The following CSTF3 variants were observed in gnomAD, a reference collection of about 807,000 sequenced individuals.
CSTF3 encodes the protein cleavage stimulation factor subunit 3.
In CSTF3, 29 loss-of-function variants were observed where a neutral mutation model predicts 105.8. The observed-to-expected ratio is 0.27, with a 90% CI of 0.20 to 0.37. CSTF3 has a LOEUF of 0.37. CSTF3 is among the 10% of genes least tolerant of loss of function. The pLI is 1.00. For missense variants in CSTF3, 357 were observed against 879.3 expected (o/e 0.41, Z 7.51); for synonymous variants, 252 against 281.9 (o/e 0.89, Z 1.06).
intron 3 of CSTF3, among the ~76,000 whole-genome samples, chr11:33,132,065 G>GA (rs1855605438): frequency 6.6e-6 from 1 of 151,980 alleles, no homozygotes. Context: ...TAGTTGGAAA[G>GA]AAAAAACGTT....
At chr11:33,131,598 G>A (rs1302258721) in intron 3 of CSTF3, among the ~76,000 whole-genome samples, 11 of 152,218 alleles carry the variant, frequency 7.2e-5, no homozygotes, top group South Asian at 2.1e-4. Flanking sequence ...TGTAATCCCC[G>A]CACTTTGGGA....
At chr11:33,095,343 A>G (rs754312310) in intron 15 of CSTF3, among the ~76,000 whole-genome samples, 122 of 152,228 alleles carry the variant, frequency 8.0e-4, no homozygotes, top group Non-Finnish European at 9.3e-4. Context: ...CTACAGGCAT[A>G]CGCCACCACA....
chr11:33,091,251 A>G (rs1855165854), intron 16 of CSTF3, among the ~76,000 whole-genome samples: 1 of 152,254 alleles, frequency 6.6e-6, no homozygotes, highest in African/African-American at 2.4e-5. Context: ...TTTCCCATTA[A>G]CGTGGATCAC....
chr11:33,108,187 T>C (rs1354818174), intron 4 of CSTF3, among the ~76,000 whole-genome samples, 187 bp from the exon 5 acceptor site: 2 of 152,040 alleles, frequency 1.3e-5, no homozygotes, highest in East Asian at 3.9e-4. Flanking sequence ...GTCAGGGGAG[T>C]ATAATTATTT....
intron 3 of CSTF3, among the ~76,000 whole-genome samples, chr11:33,128,461 T>G (rs1712091645): frequency 1.3e-5 from 2 of 152,092 alleles, no homozygotes; most frequent in South Asian, 4.1e-4. Flanking sequence ...TATGTAGGCA[T>G]TTGAGTAAAA....
chr11:33,136,479 G>A (rs1013973963), intron 3 of CSTF3, among the ~76,000 whole-genome samples: 3 of 151,946 alleles, frequency 2.0e-5, no homozygotes, highest in Non-Finnish European at 2.9e-5. Context: ...TCCTGGAAGT[G>A]CCTTGAACCA....
chr11:33,152,459 T>TG (rs976672402), intron 1 of CSTF3, among the ~76,000 whole-genome samples: 9 of 152,070 alleles, frequency 5.9e-5, no homozygotes, highest in African/African-American at 2.2e-4. Context: ...TTTTACATGT[T>TG]GGAGTTACAA....
Position 33,084,675 on chromosome 11 carries a change from AT to A in CSTF3, c.*411del. ...ATTCTGCCATAAATAAAAACAAACA[AT>A]AAGGCAGGACTCTACATAAGCAAAC... On this transcript the variant is annotated 3_prime_UTR_variant, in exon 21 of 21. Transcript: ENST00000323959. 1 of 161,130 alleles carries A rather than the reference AT, an allele frequency of 6.2e-6. No homozygotes were observed. The allele number at this position is 161,130 out of a possible 1,614,324, so 10.0% of individuals were successfully genotyped here. A position where few individuals can be genotyped will look rare whatever the true frequency, so the allele number is the denominator to read the frequency against.
intron 17 of CSTF3, among the ~76,000 whole-genome samples, chr11:33,090,193 A>G (rs76308798): frequency 6.6e-6 from 1 of 152,106 alleles, no homozygotes; most frequent in East Asian, 1.9e-4. Context: ...AACTATTAGG[A>G]AAAAAAAGTA....
chr11:33,126,899 G>A (rs1855548549), intron 3 of CSTF3, among the ~76,000 whole-genome samples: 1 of 152,176 alleles, frequency 6.6e-6, no homozygotes, highest in African/African-American at 2.4e-5. Flanking sequence ...AGGGGAAAAG[G>A]AGAACTTGGT....
Position 33,084,779 on chromosome 11 carries a change from G to C in CSTF3, c.*308C>G, listed in dbSNP as rs1855084951. ...ATCCAGTTTTTAAAATAAAACTGTT[G>C]AAAAACTCACAAATCTTCAAGCGGC... On this transcript the variant is annotated 3_prime_UTR_variant, in exon 21 of 21. Transcript: ENST00000323959. 1 of 336,000 alleles carries C rather than the reference G, an allele frequency of 3.0e-6. No individual in the cohort carries two copies. Among genetic ancestry groups the C allele is most frequent in the Non-Finnish European group, 5.5e-6 (1 of 180,486 alleles). 20.8% of individuals were successfully genotyped at this position (336,000 alleles called of 1,614,324 possible). A position where few individuals can be genotyped will look rare whatever the true frequency, so the allele number is the denominator to read the frequency against.
intron 3 of CSTF3, among the ~76,000 whole-genome samples, chr11:33,124,347 C>G (rs1855522970): frequency 6.6e-6 from 1 of 151,904 alleles, no homozygotes; most frequent in Non-Finnish European, 1.5e-5. Flanking sequence ...TACTAATTTC[C>G]AACCAAGTCA....
At chr11:33,137,574 C>CA (rs1297254290) in intron 3 of CSTF3, among the ~76,000 whole-genome samples, 5 of 151,826 alleles carry the variant, frequency 3.3e-5, no homozygotes, top group African/African-American at 1.2e-4. Flanking sequence ...AAAGCACTTT[C>CA]AGATTATCAC....
intron 1 of CSTF3, among the ~76,000 whole-genome samples, chr11:33,160,961 C>T (rs1849932878): frequency 1.3e-5 from 2 of 152,212 alleles, no homozygotes; most frequent in African/African-American, 2.4e-5. Context: ...TCTAAAACGT[C>T]GGGTGCACGT....
chr11:33,149,998 G>A (rs201134800), intron 1 of CSTF3, among the ~76,000 whole-genome samples: 49 of 150,172 alleles, frequency 3.3e-4, no homozygotes, highest in Middle Eastern at 3.5e-3. Flanking sequence ...CAGCCTGGGC[G>A]ACAGAGCCAG....
rs141820922 is a variant in CSTF3, at chr11:33,155,650, A to G, written c.27+5649T>C. Among the ~76,000 whole-genome samples the G allele has an allele frequency of 2.0e-5, 3 of 152,226 alleles. No individual in the cohort carries two copies. The East Asian group carries it at 5.8e-4, about 29-fold the overall frequency. ...AGCTTTGCCCTTCTGATTTTATTCAATATTTACTATGTATCCTAAGTTGTC... is the reference window on the plus strand; with the variant it reads ...AGCTTTGCCCTTCTGATTTTATTCAGTATTTACTATGTATCCTAAGTTGTC... On this transcript the variant is annotated intron_variant, in intron 1 of 20. Coordinates refer to ENST00000323959, the MANE Select transcript of CSTF3 (RefSeq NM_001326.3).
At chr11:33,117,218 C>T (rs1451595259) in intron 3 of CSTF3, among the ~76,000 whole-genome samples, 1 of 151,720 alleles carries the variant, frequency 6.6e-6, no homozygotes, top group African/African-American at 2.4e-5. Flanking sequence ...ACTATCCATT[C>T]CCAGGCAACA....
Position 33,146,855 on chromosome 11 carries a change from G to GA in CSTF3, c.28-4870dup, listed in dbSNP as rs34627596. 3.4e-3 allele frequency among the ~76,000 whole-genome samples: 492 copies of GA among 144,062 alleles called. 1 individual carries two copies. The highest frequency in any genetic ancestry group is 0.01 in the African/African-American group (403 of 38,672). The allele number at this position is 144,062 out of a possible 152,430, so 94.5% of individuals were successfully genotyped here. A position where few individuals can be genotyped will look rare whatever the true frequency, so the allele number is the denominator to read the frequency against. On this transcript the variant is annotated intron_variant, in intron 1 of 20. Transcript: ENST00000323959. ...AATTCTTTCAATGGGTTTACTTCTTGAAAAAAAAAAAAATTAAAAGAAATT... is the reference window on the plus strand; with the variant it reads ...AATTCTTTCAATGGGTTTACTTCTTGAAAAAAAAAAAAAATTAAAAGAAATT...
Position 33,105,676 on chromosome 11 carries a change from T to A in CSTF3, c.476A>T (p.Tyr159Phe), listed in dbSNP as rs1372237103. The change falls in exon 8 of 21, where the codon TAT (tyrosine) becomes TTT (phenylalanine). Residue 159 changes from tyrosine to phenylalanine, a missense_variant. By Grantham distance (22) the Tyr-to-Phe change is conservative (BLOSUM62 3). Around this residue, in one of 4 missense-constraint regions of CSTF3, gnomAD observed 0 missense variants for 16.5 expected, o/e 0.00. Coordinates refer to ENST00000323959, the MANE Select transcript of CSTF3 (RefSeq NM_001326.3). The stretch of plus-strand genomic sequence containing the variant: ...AGCTGTTATTCTTTGATTTTCTGCA[T>A]AAGATCCTACAGCTTCCCTGAGATT... ...FLKGVEAVGS[Y>F]AENQRITAVR... 1 of 1,613,502 alleles carries A rather than the reference T, an allele frequency of 6.2e-7. No individual in the cohort carries two copies. The highest frequency in any genetic ancestry group is 1.3e-5 in the African/African-American group (1 of 74,912).
Sources: allele counts gnomAD v4.1 joint callset (sites outside exome capture counted in the v4.1 genomes callset), GRCh38; gene constraint gnomAD v4.1.1; regional missense constraint gnomAD v4.1.1; transcripts MANE v1.5; gene names NCBI Gene and HGNC (gene_info 2026-07-23, HGNC 2026-07-21).